The following SORCS1 variants were observed in gnomAD, a reference collection of about 807,000 sequenced individuals.
SORCS1 encodes sortilin related VPS10 domain containing receptor 1, also known as VPS10 domain-containing receptor SorCS1.
In SORCS1, 60 loss-of-function variants were observed where a neutral mutation model predicts 146.1. That is an observed-to-expected ratio of 0.41 (90% CI 0.33 to 0.51). The LOEUF (loss-of-function observed/expected upper bound fraction) is 0.51. Among genes scored for constraint, SORCS1 ranks in the 20% least tolerant of loss-of-function variants. The probability of loss-of-function intolerance (pLI) is 0.21; values close to 1 mark genes in which losing one functional copy is unlikely to be tolerated. For synonymous variants in SORCS1, 637 were observed against 584.0 expected, an observed-to-expected ratio of 1.09 and a Z score of -1.31; for missense variants, 1,352 against 1,487.6, an observed-to-expected ratio of 0.91 and a Z score of 1.50.
chr10:106,808,938 C>G (rs779297122), intron 3 of SORCS1, among the ~76,000 whole-genome samples: 26 of 152,258 alleles, frequency 1.7e-4, no homozygotes, highest in Non-Finnish European at 2.9e-4. Flanking sequence ...GTGGCAATTT[C>G]TTTGCATGTG....
At chr10:107,115,657 A>G (rs1458066107) in intron 1 of SORCS1, among the ~76,000 whole-genome samples, 1 of 152,132 alleles carries the variant, frequency 6.6e-6, no homozygotes, top group African/African-American at 2.4e-5. Context: ...AGAAGAAAAC[A>G]TAGTTTAAAA....
intron 1 of SORCS1, among the ~76,000 whole-genome samples, chr10:107,121,787 T>C (rs751812238): frequency 6.6e-5 from 10 of 152,284 alleles, no homozygotes; most frequent in Non-Finnish European, 5.9e-5. Context: ...ATAACAAATA[T>C]AAAATGTCTG....
chr10:106,703,139 A>T (rs1854253068), intron 8 of SORCS1, among the ~76,000 whole-genome samples: 1 of 152,066 alleles, frequency 6.6e-6, no homozygotes, highest in Non-Finnish European at 1.5e-5. Flanking sequence ...TAAGTAACAC[A>T]TATGAGAAAA....
At chr10:107,098,829 C>T (rs1184342677) in intron 1 of SORCS1, among the ~76,000 whole-genome samples, 1 of 152,138 alleles carries the variant, frequency 6.6e-6, no homozygotes, top group Non-Finnish European at 1.5e-5. Flanking sequence ...TATTAATATT[C>T]CCATTTTAAG....
At chr10:106,704,058 C>A (rs918760896) in intron 8 of SORCS1, among the ~76,000 whole-genome samples, 18 of 152,176 alleles carry the variant, frequency 1.2e-4, no homozygotes, top group African/African-American at 4.1e-4. Context: ...CTAGATGCCA[C>A]TGCGGGCAAC....
intron 3 of SORCS1, among the ~76,000 whole-genome samples, chr10:106,795,283 T>G (rs1946502904): frequency 6.6e-6 from 1 of 151,974 alleles, no homozygotes; most frequent in African/African-American, 2.4e-5. Flanking sequence ...ATCTAGTTGT[T>G]TTTTTTTGTT....
At chr10:106,677,815 A>G (rs1467175768) in intron 12 of SORCS1, among the ~76,000 whole-genome samples, 1 of 152,202 alleles carries the variant, frequency 6.6e-6, no homozygotes, top group Non-Finnish European at 1.5e-5. Flanking sequence ...AGGTTTAGAG[A>G]GATGTGGTAA....
chr10:107,152,946 GTC>G (rs1360695572), intron 1 of SORCS1, among the ~76,000 whole-genome samples: 2 of 152,076 alleles, frequency 1.3e-5, no homozygotes, highest in East Asian at 3.9e-4. Context: ...GTCTCTCCGT[GTC>G]TCTTTGTCTC....
At chr10:106,625,125 C>T (rs911573) in intron 19 of SORCS1, among the ~76,000 whole-genome samples, 152,196 of 152,212 alleles carry the variant, frequency 1, 76,090 homozygotes, top group Non-Finnish European at 1. Context: ...TGGGTTTCCC[C>T]TCTCTTTTCT....
At chr10:106,824,791 G>A (rs1044984221) in intron 3 of SORCS1, among the ~76,000 whole-genome samples, 2 of 152,130 alleles carry the variant, frequency 1.3e-5, no homozygotes, top group East Asian at 1.9e-4. Flanking sequence ...CAAGAGACCC[G>A]TAGGAATGAC....
At chr10:106,918,992 A>G (rs1470861294) in intron 2 of SORCS1, among the ~76,000 whole-genome samples, 1 of 152,094 alleles carries the variant, frequency 6.6e-6, no homozygotes, top group East Asian at 1.9e-4. Flanking sequence ...GTGCACCACC[A>G]CACCCAGCTA....
intron 7 of SORCS1, among the ~76,000 whole-genome samples, chr10:106,707,763 C>T (rs554949205): frequency 6.6e-6 from 1 of 152,282 alleles, no homozygotes; most frequent in Admixed American, 6.5e-5. Context: ...CCAGCCAGCA[C>T]ATGAGCAACC....
At chr10:107,000,622 A>AAT (rs377329318) in intron 1 of SORCS1, among the ~76,000 whole-genome samples, 6,534 of 150,956 alleles carry the variant, frequency 0.043, 507 homozygotes, top group African/African-American at 0.15. Context: ...AAAAAAAAAA[A>AAT]GTCAATTTTA....
chr10:106,581,476 C>T (rs940653583), intron 24 of SORCS1, among the ~76,000 whole-genome samples: 3 of 152,048 alleles, frequency 2.0e-5, no homozygotes, highest in Non-Finnish European at 2.9e-5. Flanking sequence ...AGTTAAAATA[C>T]TAAGTTTTAA....
intron 1 of SORCS1, among the ~76,000 whole-genome samples, chr10:107,144,153 A>C (rs2134744640): frequency 6.6e-6 from 1 of 152,288 alleles, no homozygotes; most frequent in Middle Eastern, 3.4e-3. Flanking sequence ...TATTTGCCAG[A>C]AACATCATAT....
intron 3 of SORCS1, among the ~76,000 whole-genome samples, chr10:106,786,260 G>C (rs965560955): frequency 2.6e-5 from 4 of 152,200 alleles, no homozygotes; most frequent in Non-Finnish European, 5.9e-5. Context: ...TTTGGGAAAA[G>C]CTGAGCTGAG....
chr10:106,920,642 G>A (rs1191979661), intron 2 of SORCS1, among the ~76,000 whole-genome samples: 2 of 152,140 alleles, frequency 1.3e-5, no homozygotes, highest in African/African-American at 2.4e-5. Flanking sequence ...TCAACTTGCC[G>A]CCTTGCTCCA....
At chr10:106,671,050 A>G (rs930564702) in intron 16 of SORCS1, among the ~76,000 whole-genome samples, 187 bp downstream of exon 16, 5 of 152,138 alleles carry the variant, frequency 3.3e-5, no homozygotes, top group Non-Finnish European at 7.3e-5. Context: ...CTTTCAGTCT[A>G]AAGAAACTCT....
intron 1 of SORCS1, among the ~76,000 whole-genome samples, chr10:106,975,036 A>G (rs1955935801): frequency 6.6e-6 from 1 of 152,226 alleles, no homozygotes; most frequent in Non-Finnish European, 1.5e-5. Flanking sequence ...CCTACCGCTT[A>G]CAACACAGAA....
Sources: allele counts gnomAD v4.1 joint callset (sites outside exome capture counted in the v4.1 genomes callset), GRCh38; gene constraint gnomAD v4.1.1; transcripts MANE v1.5; gene names NCBI Gene and HGNC (gene_info 2026-07-23, HGNC 2026-07-21).